PTK2: variants seen among roughly 807,000 people sequenced by gnomAD.
PTK2 encodes the protein protein tyrosine kinase 2.
Under a neutral mutation model 150.1 loss-of-function variants are expected in PTK2, and 45 were observed. The observed-to-expected ratio is 0.30, with a 90% CI of 0.24 to 0.38. PTK2 has a LOEUF of 0.38. PTK2 is among the 10% of genes least tolerant of loss of function. The pLI is 1.00. For missense variants in PTK2, 919 were observed against 1,307.3 expected, an observed-to-expected ratio of 0.70 and a Z score of 4.58; for synonymous variants, 432 against 449.2, an observed-to-expected ratio of 0.96 and a Z score of 0.48.
intron 22 of PTK2, among the ~76,000 whole-genome samples, chr8:140,722,387 TG>T (rs1237272766): frequency 6.6e-6 from 1 of 152,194 alleles, no homozygotes; most frequent in African/African-American, 2.4e-5. Flanking sequence ...TCCGAGTAGC[TG>T]GGACTACAGG....
chr8:140,850,098 C>CAA lies in PTK2; in HGVS notation c.451-3422_451-3421dup, dbSNP rs148823429. On this transcript the variant is annotated intron_variant, in intron 5 of 31. Transcript: ENST00000522684. ...GTCCAGGAAATTTGCAAGATCCTTCCAAAAAAAAAGACTTCTGAAAGTTGG... is the reference window on the plus strand; with the variant it reads ...GTCCAGGAAATTTGCAAGATCCTTCCAAAAAAAAAAAGACTTCTGAAAGTTGG... Among the ~76,000 whole-genome samples, 71 of 150,502 alleles carry CAA rather than the reference C, an allele frequency of 4.7e-4. 1 individual carries two copies. In the South Asian group the frequency reaches 0.013, roughly 28 times the overall value.
chr8:140,865,794 CTT>C (rs2100138934), intron 4 of PTK2, among the ~76,000 whole-genome samples: 1 of 152,080 alleles, frequency 6.6e-6, no homozygotes, highest in Admixed American at 6.6e-5. Flanking sequence ...ATTTCTCTCT[CTT>C]TTTTTGAGAC....
At chr8:140,868,670 T>G (rs1188401780) in intron 4 of PTK2, among the ~76,000 whole-genome samples, 1 of 152,078 alleles carries the variant, frequency 6.6e-6, no homozygotes, top group Admixed American at 6.6e-5. Flanking sequence ...ACTGCAGCCG[T>G]TTTGCCAAAA....
intron 10 of PTK2, among the ~76,000 whole-genome samples, chr8:140,815,065 C>T (rs374665687): frequency 1.8e-4 from 27 of 152,190 alleles, no homozygotes; most frequent in East Asian, 1.5e-3. Flanking sequence ...TGAGCCACCG[C>T]GCCCGGCCAA....
intron 17 of PTK2, among the ~76,000 whole-genome samples, chr8:140,747,506 A>G (rs1593486343): frequency 1.0e-4 from 1 of 9,576 alleles, no homozygotes; most frequent in African/African-American, 6.5e-4. Context: ...GAGGAGGAGG[A>G]AGAGGAGGAG....
chr8:140,700,823 T>C, intron 26 of PTK2, 68 bp downstream of exon 29: 2 of 1,540,594 alleles, frequency 1.3e-6, no homozygotes, highest in Admixed American at 3.9e-5. Context: ...CATTTTGCAA[T>C]AATTTGCAAT....
intron 22 of PTK2, among the ~76,000 whole-genome samples, chr8:140,733,776 G>A (rs1161086902): frequency 6.6e-6 from 1 of 152,222 alleles, no homozygotes; most frequent in Non-Finnish European, 1.5e-5. Flanking sequence ...GTGAAAGGCA[G>A]AGTAGGGTTG....
At chr8:140,751,041 G>A (rs528681310) in intron 17 of PTK2, among the ~76,000 whole-genome samples, 3 of 152,154 alleles carry the variant, frequency 2.0e-5, no homozygotes, top group African/African-American at 7.2e-5. Context: ...CTTGAGTCCA[G>A]GAGGTGACAC....
intron 1 of PTK2, among the ~76,000 whole-genome samples, chr8:140,955,355 T>A (rs2100180877): frequency 6.6e-6 from 1 of 152,144 alleles, no homozygotes; most frequent in South Asian, 2.1e-4. Context: ...GCACACACTC[T>A]CTCTTGCCTG....
At chr8:140,712,796 G>GT (rs2100037534) in intron 23 of PTK2, among the ~76,000 whole-genome samples, 1 of 152,170 alleles carries the variant, frequency 6.6e-6, no homozygotes, top group Non-Finnish European at 1.5e-5. Context: ...CAAGATCACG[G>GT]TAATAAGTTT....
Position 140,693,576 on chromosome 8 carries a change from A to T in PTK2, c.2500-6882T>A, listed in dbSNP as rs1215827573. 6.6e-3 allele frequency among the ~76,000 whole-genome samples: 318 copies of T among 48,428 alleles called. 39 individuals are homozygous for T. Among genetic ancestry groups the T allele is most frequent in the South Asian group, 8.5e-3 (11 of 1,294 alleles). The allele number at this position is 48,428 out of a possible 152,430, so 31.8% of individuals were successfully genotyped here. Reference sequence around the variant, plus strand: ...ACTTTGTCTCAATTAAAAAAAAAAAAAAAAAAAAAAAAAAAAAAAAAAAAA... The same window carrying T: ...ACTTTGTCTCAATTAAAAAAAAAAATAAAAAAAAAAAAAAAAAAAAAAAAA... On this transcript the variant is annotated intron_variant, in intron 26 of 31. Transcript: ENST00000522684.
intron 8 of PTK2, chr8:140,820,582 CT>C (rs200536728): frequency 0.077 from 10,999 of 143,014 alleles, 483 homozygotes; most frequent in African/African-American, 0.13. Flanking sequence ...CTTTCTTCTT[CT>C]TTTTTTTTTT....
chr8:140,766,486 C>T (rs534448330), intron 14 of PTK2, among the ~76,000 whole-genome samples: 33 of 152,300 alleles, frequency 2.2e-4, no homozygotes, highest in African/African-American at 7.9e-4. Context: ...TCCTCATTAC[C>T]TATAACAACC....
chr8:140,760,020 G>A (rs551759294), intron 16 of PTK2, among the ~76,000 whole-genome samples: 1 of 152,130 alleles, frequency 6.6e-6, no homozygotes, highest in African/African-American at 2.4e-5. Context: ...TCAAGAGATC[G>A]AGACCATCCT....
intron 1 of PTK2, among the ~76,000 whole-genome samples, chr8:140,987,765 A>G (rs1456986053): frequency 3.3e-5 from 5 of 152,230 alleles, no homozygotes; most frequent in Non-Finnish European, 7.3e-5. Context: ...TCAACAGGCC[A>G]GGTGACGTGG....
At chr8:140,908,885 A>G (rs2100162010) in intron 2 of PTK2, among the ~76,000 whole-genome samples, 1 of 152,316 alleles carries the variant, frequency 6.6e-6, no homozygotes, top group East Asian at 1.9e-4. Flanking sequence ...AATGCATTCA[A>G]TATACCATGT....
intron 14 of PTK2, among the ~76,000 whole-genome samples, chr8:140,780,331 C>T (rs1182915221): frequency 2.0e-5 from 3 of 152,106 alleles, no homozygotes; most frequent in Admixed American, 2.0e-4. Flanking sequence ...GGGACCTAAA[C>T]CCATTGATTA....
chr8:140,933,739 T>A (rs1350102345), intron 1 of PTK2, among the ~76,000 whole-genome samples: 1 of 152,162 alleles, frequency 6.6e-6, no homozygotes, highest in African/African-American at 2.4e-5. Flanking sequence ...GGGCTGAAGA[T>A]AAGGAATAAA....
intron 1 of PTK2, among the ~76,000 whole-genome samples, chr8:140,990,065 T>A (rs908357992): frequency 6.6e-6 from 1 of 151,822 alleles, no homozygotes; most frequent in Non-Finnish European, 1.5e-5. Context: ...CCAGAGAAAA[T>A]GGTCAATGAT....
Sources: gnomAD v4.1 joint callset for allele counts (sites outside exome capture counted in the v4.1 genomes callset) on GRCh38, gnomAD v4.1.1 for gene constraint, MANE v1.5 for transcripts, NCBI Gene and HGNC (gene_info 2026-07-23, HGNC 2026-07-21) for gene names.